CCDC167: variants seen among roughly 807,000 people sequenced by gnomAD.
The protein encoded by CCDC167 is coiled-coil domain containing 167.
A neutral mutation model predicts 12.7 loss-of-function variants in CCDC167; 15 were observed. The observed-to-expected ratio is 1.18, with a 90% CI of 0.79 to 1.81. The LOEUF is 1.81. CCDC167 is among the 40% of genes most tolerant of loss of function. The probability of loss-of-function intolerance (pLI) is 0.00; values close to 1 mark genes in which losing one functional copy is unlikely to be tolerated. For synonymous variants in CCDC167, 52 were observed against 49.0 expected, an observed-to-expected ratio of 1.06 and a Z score of -0.26; for missense variants, 121 against 120.1, an observed-to-expected ratio of 1.01 and a Z score of -0.03.
chr6:37,484,961 C>T (rs529769494), intron 2 of CCDC167, 99 bp from the exon 3 acceptor site: 38 of 1,508,928 alleles, frequency 2.5e-5, no homozygotes, highest in African/African-American at 1.9e-4. Context: ...TCTTGTTCGG[C>T]GGCAGGGGGG....
chr6:37,494,056 C>CTTTTTTTT lies in CCDC167; in HGVS notation c.42+5758_42+5765dup, dbSNP rs70977666. 2.1e-4 allele frequency among the ~76,000 whole-genome samples: 19 copies of CTTTTTTTT among 91,384 alleles called. 1 individual carries two copies. Among genetic ancestry groups the CTTTTTTTT allele is most frequent in the African/African-American group, 6.8e-4 (16 of 23,418 alleles). 60.0% of individuals were successfully genotyped at this position (91,384 alleles called of 152,430 possible). ...CACTTCTCATGGTCAGTGATCCTGC[C>CTTTTTTTT]TTTTTTTTTTTTTTTTTTTTTTTTT... On this transcript the variant is annotated intron_variant, in intron 1 of 3. Coordinates refer to ENST00000373408, the MANE Select transcript of CCDC167 (RefSeq NM_138493.3).
chr6:37,499,704 C>T, intron 1 of CCDC167, 118 bp downstream of exon 1: 1 of 1,144,138 alleles, frequency 8.7e-7, no homozygotes, highest in South Asian at 1.3e-5. Flanking sequence ...CCCCAAACCG[C>T]GTCGCCCTCT....
Position 37,484,872 on chromosome 6 carries a change from G to GA in CCDC167, c.138-11dup, listed in dbSNP as rs1332302690. On this transcript the variant is annotated splice_polypyrimidine_tract_variant and intron_variant, in intron 2 of 3. Coordinates refer to ENST00000373408, the MANE Select transcript of CCDC167 (RefSeq NM_138493.3). Reference sequence around the variant, plus strand: ...CTTCTCCAGGGACCTCCTGTGAGGGGAAAGGAGCTTCATGGACCAAACCCT... The same window carrying GA: ...CTTCTCCAGGGACCTCCTGTGAGGGGAAAAGGAGCTTCATGGACCAAACCCT... The GA allele has an allele frequency of 3.1e-6, 5 of 1,614,228 alleles. No individual in the cohort carries two copies. The highest frequency in any genetic ancestry group is 4.2e-6 in the Non-Finnish European group (5 of 1,180,026).
At chr6:37,497,037 G>A (rs1033835792) in intron 1 of CCDC167, among the ~76,000 whole-genome samples, 2 of 152,202 alleles carry the variant, frequency 1.3e-5, no homozygotes, top group Non-Finnish European at 2.9e-5. Flanking sequence ...AAGGGAATCT[G>A]GCAGAACCAC....
At chr6:37,486,737 G>A (rs1423123249) in intron 1 of CCDC167, among the ~76,000 whole-genome samples, 1 of 152,194 alleles carries the variant, frequency 6.6e-6, no homozygotes, top group South Asian at 2.1e-4. Flanking sequence ...CAGGAGATGG[G>A]GCTGTCCCTG....
chr6:37,487,016 TG>T (rs1276395300), intron 1 of CCDC167, among the ~76,000 whole-genome samples: 1 of 141,124 alleles, frequency 7.1e-6, no homozygotes, highest in African/African-American at 2.5e-5. Flanking sequence ...GGGTGGGGGT[TG>T]GGGGGCAGGG....
At chr6:37,499,130 T>C (rs1762134085) in intron 1 of CCDC167, among the ~76,000 whole-genome samples, 1 of 152,202 alleles carries the variant, frequency 6.6e-6, no homozygotes, top group Admixed American at 6.5e-5. Flanking sequence ...GGGTTCCACC[T>C]GGAACCTCAA....
intron 1 of CCDC167, among the ~76,000 whole-genome samples, chr6:37,485,678 C>T (rs1402790692): frequency 2.0e-5 from 3 of 152,236 alleles, no homozygotes; most frequent in African/African-American, 4.8e-5. Flanking sequence ...GGTGATTAGA[C>T]ATCTAGGGGC....
At chr6:37,491,899 G>A (rs1762026821) in intron 1 of CCDC167, among the ~76,000 whole-genome samples, 1 of 152,226 alleles carries the variant, frequency 6.6e-6, no homozygotes, top group Admixed American at 6.5e-5. Context: ...CAGGCATTAA[G>A]TCCGGGAGCT....
chr6:37,498,234 T>C (rs372440935), intron 1 of CCDC167, among the ~76,000 whole-genome samples: 2 of 152,158 alleles, frequency 1.3e-5, no homozygotes, highest in East Asian at 1.9e-4. Context: ...ATCTGACCAT[T>C]TGCAGACATC....
At position 37,483,257 on chromosome 6, in the gene CCDC167, G is replaced by A. The variant is rs1258539555; in HGVS notation, c.223C>T (p.Arg75Trp). 4 of 1,614,000 alleles carry A rather than the reference G, an allele frequency of 2.5e-6. No individual in the cohort carries two copies. Among genetic ancestry groups the A allele is most frequent in the South Asian group, 2.2e-5 (2 of 91,056 alleles). Residue 75 changes from arginine (R) to tryptophan (W), a missense_variant, in exon 4 of 4, where the codon CGG (arginine) becomes TGG (tryptophan). Arg to Trp is a moderately radical substitution (Grantham distance 101). Transcript: ENST00000373408. The part of the protein sequence containing the change: ...KELKFLRQEN[R>W]KNMLLSVAIF... ...GCCACAGAGAGCAGCATGTTCTTCC[G>A]GTTCTCTTGCCGAAGAAACTTCAGT...
At position 37,483,198 on chromosome 6, in the gene CCDC167, G is replaced by A; in HGVS notation, c.282C>T (p.Tyr94=). ...IFILLTLVYA[Y]WTM ...GGAAGTGCCAGGCTCACATGGTCCA[G>A]TAGGCATAGACGAGCGTCAGGAGGA... The change falls in exon 4 of 4, where the codon TAC becomes TAT. Residue 94 remains tyrosine (Y), a synonymous_variant. Coordinates refer to ENST00000373408, the MANE Select transcript of CCDC167 (RefSeq NM_138493.3). The A allele has an allele frequency of 4.3e-6, 7 of 1,613,278 alleles. No homozygotes were observed. Among genetic ancestry groups the A allele is most frequent in the Non-Finnish European group, 5.9e-6 (7 of 1,179,176 alleles).
chr6:37,485,758 ACATTTTTCTGT>A (rs1427885935), intron 1 of CCDC167, among the ~76,000 whole-genome samples: 1 of 152,244 alleles, frequency 6.6e-6, no homozygotes, highest in African/African-American at 2.4e-5. Flanking sequence ...GTAAAAATAT[ACATTTTTCTGT>A]GAGAATCAAA....
chr6:37,491,678 G>A (rs1455025800), intron 1 of CCDC167, among the ~76,000 whole-genome samples: 1 of 152,146 alleles, frequency 6.6e-6, no homozygotes, highest in Non-Finnish European at 1.5e-5. Context: ...GCAGCCTCTG[G>A]AAACCAAAAG....
chr6:37,499,867 A>T lies in CCDC167; in HGVS notation c.-4T>A. On this transcript the variant is annotated 5_prime_UTR_variant, in exon 1 of 4. Transcript: ENST00000373408. ...TCTCCCGCTTCTTTTTAGTCATGTTACTTGCCGGGATCCCCCAGTCATCAC... is the reference window on the plus strand; with the variant it reads ...TCTCCCGCTTCTTTTTAGTCATGTTTCTTGCCGGGATCCCCCAGTCATCAC... The T allele has an allele frequency of 1.2e-6, 2 of 1,613,934 alleles. No homozygotes were observed. The highest frequency in any genetic ancestry group is 1.7e-6 in the Non-Finnish European group (2 of 1,179,984).
intron 1 of CCDC167, among the ~76,000 whole-genome samples, chr6:37,494,821 T>TTTTTTTTTG (rs57496870): frequency 1.3e-5 from 2 of 150,040 alleles, no homozygotes; most frequent in Non-Finnish European, 1.5e-5. Flanking sequence ...TTTTTTTTTT[T>TTTTTTTTTG]GAGACGGGGT....
chr6:37,486,294 C>T (rs968422095), intron 1 of CCDC167, among the ~76,000 whole-genome samples: 1 of 152,228 alleles, frequency 6.6e-6, no homozygotes, highest in South Asian at 2.1e-4. Context: ...TGGGGCACCC[C>T]TCTCCTTATC....
intron 1 of CCDC167, among the ~76,000 whole-genome samples, chr6:37,490,052 C>T (rs1158395254): frequency 6.6e-6 from 1 of 152,208 alleles, no homozygotes; most frequent in African/African-American, 2.4e-5. Flanking sequence ...GTGTCCCAGT[C>T]ACTGAGATGA....
intron 3 of CCDC167, among the ~76,000 whole-genome samples, chr6:37,484,581 A>G (rs1761917056): frequency 6.6e-6 from 1 of 152,100 alleles, no homozygotes; most frequent in African/African-American, 2.4e-5. Flanking sequence ...CTTCATCCCA[A>G]AGAGCAGACA....
Sources: gnomAD v4.1 joint callset for allele counts (sites outside exome capture counted in the v4.1 genomes callset) on GRCh38, gnomAD v4.1.1 for gene constraint, MANE v1.5 for transcripts, NCBI Gene and HGNC (gene_info 2026-07-23, HGNC 2026-07-21) for gene names.